UTS2B: variants seen among roughly 807,000 people sequenced by gnomAD.
The protein encoded by UTS2B is urotensin-2B.
Under a neutral mutation model 19.2 loss-of-function variants are expected in UTS2B, and 21 were observed. That is an observed-to-expected ratio of 1.09 (90% CI 0.78 to 1.58). The LOEUF is 1.58. Among genes scored for constraint, UTS2B ranks in the 40% most tolerant of loss-of-function variants. The probability of loss-of-function intolerance (pLI) is 0.00; values close to 1 mark genes in which losing one functional copy is unlikely to be tolerated. For synonymous variants in UTS2B, 57 were observed against 50.2 expected (o/e 1.14, Z -0.58); for missense variants, 138 against 130.3 (o/e 1.06, Z -0.29).
At chr3:191,300,730 TG>T (rs1046507777) in intron 4 of UTS2B, among the ~76,000 whole-genome samples, 6 of 152,218 alleles carry the variant, frequency 3.9e-5, no homozygotes, top group African/African-American at 1.4e-4. Context: ...ATTCCCCCTT[TG>T]GGGCTGTTCT....
chr3:191,329,541 G>A, intron 1 of UTS2B: 1 of 801,342 alleles, frequency 1.2e-6, no homozygotes, highest in Non-Finnish European at 1.9e-6. Context: ...GACCCGCTCC[G>A]TTCTCCGGCC....
intron 2 of UTS2B, among the ~76,000 whole-genome samples, chr3:191,318,380 A>G (rs893009936): frequency 6.6e-6 from 1 of 152,256 alleles, no homozygotes; most frequent in Non-Finnish European, 1.5e-5. Context: ...GGAATTTCCT[A>G]AACTATAGGC....
intron 1 of UTS2B, 199 bp from the exon 2 acceptor site, chr3:191,328,908 T>G (rs1717828992): frequency 6.6e-6 from 1 of 152,216 alleles, no homozygotes. Flanking sequence ...GCCCAGAATT[T>G]TATCAGCTGC....
chr3:191,278,592 A>G (rs1046080261), intron 5 of UTS2B, among the ~76,000 whole-genome samples: 3 of 152,036 alleles, frequency 2.0e-5, no homozygotes, highest in Non-Finnish European at 4.4e-5. Context: ...TTATATACAC[A>G]TTTATATATA....
In UTS2B at chr3:191,280,950, T is replaced by A. The variant is rs1716368598; in HGVS notation, c.103+1137A>T. The stretch of plus-strand genomic sequence containing the variant: ...ATGGATAAAATCCAGAATCTTTGAT[T>A]CCCAGGCTTGTATTTAGGTCTCTGA... On this transcript the variant is annotated intron_variant, in intron 5 of 8. Coordinates refer to ENST00000340524, the MANE Select transcript of UTS2B (RefSeq NM_198152.5). 4.6e-5 allele frequency among the ~76,000 whole-genome samples: 7 copies of A among 152,248 alleles called. No homozygotes were observed. The South Asian group carries it at 1.5e-3, about 32-fold the overall frequency.
chr3:191,268,583 G>T, intron 8 of UTS2B, 142 bp from the exon 9 acceptor site: 1 of 550,412 alleles, frequency 1.8e-6, no homozygotes, highest in Non-Finnish European at 3.3e-6. Flanking sequence ...AGCCTCATGT[G>T]GATCTTTAAG....
At chr3:191,314,601 T>C (rs1318583526) in intron 3 of UTS2B, among the ~76,000 whole-genome samples, 1 of 152,186 alleles carries the variant, frequency 6.6e-6, no homozygotes, top group African/African-American at 2.4e-5. Flanking sequence ...AAGCAGCCCC[T>C]ATGTAGCTTT....
At chr3:191,271,818 T>A (rs1716102867) in intron 8 of UTS2B, among the ~76,000 whole-genome samples, 2 of 152,222 alleles carry the variant, frequency 1.3e-5, no homozygotes, top group African/African-American at 4.8e-5. Flanking sequence ...ATAAGATTCA[T>A]ATTCACTAAC....
chr3:191,340,887 G>A, the UTS2B span, among the ~76,000 whole-genome samples: 96 of 152,248 alleles, frequency 6.3e-4, no homozygotes, highest in African/African-American at 2.1e-3. Flanking sequence ...CCAGGCTGGC[G>A]TGCAGTGGTG....
Position 191,268,361 on chromosome 3 carries a change from A to G in UTS2B, c.*55T>C. On this transcript the variant is annotated 3_prime_UTR_variant, in exon 9 of 9. Coordinates refer to ENST00000340524, the MANE Select transcript of UTS2B (RefSeq NM_198152.5). ...GGGGTCTGCCTACAGCAGAGTGAGTAGATACATATATTTTCCTGATATTCT... is the reference window on the plus strand; with the variant it reads ...GGGGTCTGCCTACAGCAGAGTGAGTGGATACATATATTTTCCTGATATTCT... 7.5e-7 allele frequency: 1 copy of G among 1,340,646 alleles called. No homozygotes were observed. Among genetic ancestry groups the G allele is most frequent in the South Asian group, 1.3e-5 (1 of 77,152 alleles). 83.0% of individuals were successfully genotyped at this position (1,340,646 alleles called of 1,614,324 possible).
At chr3:191,278,209 C>A (rs1320544694) in intron 5 of UTS2B, 39 bp from the exon 6 acceptor site, 1 of 1,137,858 alleles carries the variant, frequency 8.8e-7, no homozygotes, top group South Asian at 1.5e-5. Flanking sequence ...ATTTGAGTCA[C>A]CGAAAATATT....
chr3:191,328,295 G>C (rs888648830), intron 2 of UTS2B: 1 of 152,168 alleles, frequency 6.6e-6, no homozygotes, highest in African/African-American at 2.4e-5. Flanking sequence ...GAGAGTTTGC[G>C]GGTTGTAGAT....
chr3:191,320,163 T>C (rs1042834424), intron 2 of UTS2B, among the ~76,000 whole-genome samples: 1 of 151,986 alleles, frequency 6.6e-6, no homozygotes, highest in Non-Finnish European at 1.5e-5. Flanking sequence ...GGGCAAGATA[T>C]GGAATGACAG....
intron 4 of UTS2B, among the ~76,000 whole-genome samples, chr3:191,295,202 CAT>C (rs1365170032): frequency 6.6e-6 from 1 of 151,992 alleles, no homozygotes; most frequent in African/African-American, 2.4e-5. Flanking sequence ...ATACTTTTCA[CAT>C]GTTTACTCTT....
rs76074620 is a variant in UTS2B, at chr3:191,307,017, G to A, written c.-181-2469C>T. Among the ~76,000 whole-genome samples the A allele has an allele frequency of 3.2e-3, 482 of 152,250 alleles. 1 individual carries two copies. The highest frequency in any genetic ancestry group is 5.8e-3 in the Non-Finnish European group (393 of 68,008). ...AAAACCTTGGTTCACCTCTGGCAGC[G>A]CATGAAAGGTGGGTTACTTACAGGA... On this transcript the variant is annotated intron_variant, in intron 3 of 8. Transcript: ENST00000340524.
In UTS2B at chr3:191,307,806, TTTTTC is replaced by T. The variant is rs369338267; in HGVS notation, c.-181-3263_-181-3259del. Among the ~76,000 whole-genome samples the T allele has an allele frequency of 2.3e-3, 335 of 142,924 alleles. 3 individuals are homozygous for T. The highest frequency in any genetic ancestry group is 7.4e-3 in the African/African-American group (294 of 39,724). 93.8% of individuals were successfully genotyped at this position (142,924 alleles called of 152,430 possible). On this transcript the variant is annotated intron_variant, in intron 3 of 8. Coordinates refer to ENST00000340524, the MANE Select transcript of UTS2B (RefSeq NM_198152.5). Reference sequence around the variant, plus strand: ...AGCACCTTATGTAGGTGCTTTTTCTTTTTTCTTTTCTTTTCTTTTCGTTTTCTTCT... The same window carrying T: ...AGCACCTTATGTAGGTGCTTTTTCTTTTTTCTTTTCTTTTCGTTTTCTTCT...
chr3:191,299,833 C>A (rs1010152572), intron 4 of UTS2B, among the ~76,000 whole-genome samples: 13 of 152,214 alleles, frequency 8.5e-5, no homozygotes, highest in African/African-American at 2.9e-4. Flanking sequence ...TGAGAGCAGC[C>A]ACGGGGGCTG....
intron 4 of UTS2B, among the ~76,000 whole-genome samples, chr3:191,301,706 G>C (rs1269022710): frequency 6.6e-6 from 1 of 151,456 alleles, no homozygotes; most frequent in Admixed American, 6.6e-5. Context: ...AGCCAGGATG[G>C]TCTCGATCTC....
intron 4 of UTS2B, among the ~76,000 whole-genome samples, chr3:191,287,694 A>G (rs1056496019): frequency 1.3e-5 from 2 of 152,120 alleles, no homozygotes; most frequent in Admixed American, 6.5e-5. Context: ...AGGATCAGAA[A>G]CAAAATAAGT....
Sources: allele counts gnomAD v4.1 joint callset (sites outside exome capture counted in the v4.1 genomes callset), GRCh38; gene constraint gnomAD v4.1.1; transcripts MANE v1.5; gene names NCBI Gene and HGNC (gene_info 2026-07-23, HGNC 2026-07-21).